The following NOTCH1 variants were observed in gnomAD, a reference collection of about 807,000 sequenced individuals.
NOTCH1 encodes neurogenic locus notch homolog protein 1.
Under a neutral mutation model 254.8 loss-of-function variants are expected in NOTCH1, and 37 were observed. The ratio of observed to expected loss-of-function variants is 0.15; its 90% CI spans 0.11 to 0.19. The LOEUF (loss-of-function observed/expected upper bound fraction) is 0.19, where lower values mean the gene tolerates loss of function less well. Among genes scored for constraint, NOTCH1 ranks in the 10% least tolerant of loss-of-function variants. The pLI is 1.00. For missense variants in NOTCH1, 2,972 were observed against 3,708.6 expected, an observed-to-expected ratio of 0.80 and a Z score of 5.16; for synonymous variants, 1,731 against 1,618.1, an observed-to-expected ratio of 1.07 and a Z score of -1.68.
At chr9:136,526,473 A>G (rs1843462098) in intron 2 of NOTCH1, among the ~76,000 whole-genome samples, 1 of 152,128 alleles carries the variant, frequency 6.6e-6, no homozygotes. Flanking sequence ...CGGCCCCTCG[A>G]GGCTCCAAGG....
At chr9:136,537,148 T>C (rs1286409121) in intron 2 of NOTCH1, among the ~76,000 whole-genome samples, 1 of 152,098 alleles carries the variant, frequency 6.6e-6, no homozygotes, top group Admixed American at 6.5e-5. Context: ...CGGCCCAGAG[T>C]GAGCGCCATC....
intron 3 of NOTCH1, 110 bp from the exon 4 acceptor site, chr9:136,523,298 C>T: frequency 8.9e-7 from 1 of 1,129,346 alleles, no homozygotes; most frequent in Non-Finnish European, 1.3e-6. Flanking sequence ...ACCTTAGGTG[C>T]TATCACATTT....
At chr9:136,534,170 C>G (rs980790261) in intron 2 of NOTCH1, among the ~76,000 whole-genome samples, 5 of 152,192 alleles carry the variant, frequency 3.3e-5, no homozygotes, top group African/African-American at 7.2e-5. Context: ...GCTGCACTCA[C>G]AAAAAGGCTG....
intron 8 of NOTCH1, 21 bp downstream of exon 8, chr9:136,517,731 C>A (rs773648107): frequency 6.2e-7 from 1 of 1,612,452 alleles, no homozygotes; most frequent in Admixed American, 1.7e-5. Context: ...CGGTTTCCCG[C>A]CCTGGCCCCG....
At position 136,519,507 on chromosome 9, in the gene NOTCH1, C is replaced by T; in HGVS notation, c.801G>A (p.Lys267=). 6.2e-7 allele frequency: 1 copy of T among 1,613,070 alleles called. No individual in the cohort carries two copies. Among genetic ancestry groups the T allele is most frequent in the African/African-American group, 1.3e-5 (1 of 75,070 alleles). Residue 267 remains lysine (K), a synonymous_variant, in exon 5 of 34, where the codon AAG becomes AAA. Coordinates refer to ENST00000651671, the MANE Select transcript of NOTCH1 (RefSeq NM_017617.5). ...CGCCGTCCACACAGGCACCCCCGTT[C>T]TTGCAGTTGTTTCCTGGACAATCGT... The part of the protein sequence containing the change: ...NIDDCPGNNC[K]NGGACVDGVN...
chr9:136,528,623 C>T (rs1003333532), intron 2 of NOTCH1, among the ~76,000 whole-genome samples: 1 of 150,450 alleles, frequency 6.6e-6, no homozygotes. Flanking sequence ...GGGGAAGGAA[C>T]GGCCCTGCAC....
At chr9:136,499,992 G>A (rs984607004) in intron 31 of NOTCH1, among the ~76,000 whole-genome samples, 5 of 152,158 alleles carry the variant, frequency 3.3e-5, no homozygotes, top group South Asian at 2.1e-4. Context: ...CTCCAGGGCC[G>A]CCTGGAGCCT....
intron 7 of NOTCH1, 32 bp downstream of exon 7, chr9:136,518,105 C>A (rs773092378): frequency 1.3e-6 from 2 of 1,567,146 alleles, no homozygotes; most frequent in South Asian, 1.2e-5. Flanking sequence ...CTGCCACCCC[C>A]ACCTGGCCGC....
intron 2 of NOTCH1, among the ~76,000 whole-genome samples, chr9:136,537,888 T>C (rs1843678332): frequency 6.6e-6 from 1 of 151,600 alleles, no homozygotes; most frequent in African/African-American, 2.4e-5. Flanking sequence ...AGGTTAGGAG[T>C]TTGAGACCAG....
At position 136,516,383 on chromosome 9, in the gene NOTCH1, C is replaced by T. The variant is rs570594930; in HGVS notation, c.1556-289G>A. Among the ~76,000 whole-genome samples, 12 of 152,368 alleles carry T rather than the reference C, an allele frequency of 7.9e-5. No individual in the cohort carries two copies. In the South Asian group the frequency reaches 2.3e-3, roughly 29 times the overall value. Reference sequence around the variant, plus strand: ...GCTGAGAATGGGGCTCCCCTCGCTCCAGTGTCTGGGACGGGTAATCTATGT... The same window carrying T: ...GCTGAGAATGGGGCTCCCCTCGCTCTAGTGTCTGGGACGGGTAATCTATGT... On this transcript the variant is annotated intron_variant, in intron 9 of 33. Coordinates refer to ENST00000651671, the MANE Select transcript of NOTCH1 (RefSeq NM_017617.5).
At chr9:136,500,995 G>A (rs1842986490) in intron 30 of NOTCH1, 148 bp from the exon 31 acceptor site, 2 of 911,458 alleles carry the variant, frequency 2.2e-6, no homozygotes, top group Non-Finnish European at 3.2e-6. Flanking sequence ...GCCACCAAGG[G>A]GCAGCTGAAG....
At chr9:136,518,503 G>A in intron 6 of NOTCH1, 88 bp downstream of exon 6, 1 of 1,292,828 alleles carries the variant, frequency 7.7e-7, no homozygotes, top group South Asian at 1.3e-5. Flanking sequence ...CCTGGGTGCA[G>A]GAGGGCCACA....
chr9:136,505,909 TCGGGGTGGGCCACC>T, intron 24 of NOTCH1, 28 bp from the exon 25 acceptor site: 4 of 1,557,084 alleles, frequency 2.6e-6, no homozygotes, highest in Non-Finnish European at 3.5e-6. Flanking sequence ...CAGGACGGTG[TCGGGGTGGGCCACC>T]CCCCGCCCCC....
chr9:136,500,904 G>A (rs1842985250), intron 30 of NOTCH1, 57 bp from the exon 31 acceptor site: 1 of 1,516,324 alleles, frequency 6.6e-7, no homozygotes, highest in African/African-American at 1.4e-5. Context: ...CTGCAGCCCA[G>A]GGGGAGGGGG....
chr9:136,534,547 C>T (rs1014284516), intron 2 of NOTCH1, among the ~76,000 whole-genome samples: 2 of 152,158 alleles, frequency 1.3e-5, no homozygotes, highest in East Asian at 3.8e-4. Flanking sequence ...GCGAGAACAG[C>T]GCCCACCTGG....
intron 8 of NOTCH1, 105 bp downstream of exon 8, chr9:136,517,647 T>C (rs1416863223): frequency 6.4e-6 from 9 of 1,415,698 alleles, no homozygotes; most frequent in Non-Finnish European, 7.9e-6. Flanking sequence ...CCAGAAGGCA[T>C]GGAGGCTGGG....
At chr9:136,544,611 G>T (rs1843784686) in intron 1 of NOTCH1, among the ~76,000 whole-genome samples, 1 of 151,566 alleles carries the variant, frequency 6.6e-6, no homozygotes, top group African/African-American at 2.4e-5. Context: ...AAATGCGACA[G>T]CTGCTCGCCC....
chr9:136,527,898 C>T (rs946313694), intron 2 of NOTCH1, among the ~76,000 whole-genome samples: 1 of 152,156 alleles, frequency 6.6e-6, no homozygotes, highest in Admixed American at 6.5e-5. Flanking sequence ...ACCTCTACCG[C>T]CACCACTTTG....
chr9:136,535,074 C>T (rs1247465797), intron 2 of NOTCH1, among the ~76,000 whole-genome samples: 3 of 150,352 alleles, frequency 2.0e-5, no homozygotes, highest in Admixed American at 6.6e-5. Context: ...AGACCTCCTT[C>T]CAGGAAATTG....
Sources: gnomAD v4.1 joint callset for allele counts (sites outside exome capture counted in the v4.1 genomes callset) on GRCh38, gnomAD v4.1.1 for gene constraint, MANE v1.5 for transcripts, NCBI Gene and HGNC (gene_info 2026-07-23, HGNC 2026-07-21) for gene names.